PAIP1: variants seen among roughly 807,000 people sequenced by gnomAD.
PAIP1 encodes poly(A) binding protein interacting protein 1.
A neutral mutation model predicts 61.3 loss-of-function variants in PAIP1; 16 were observed. That is an observed-to-expected ratio of 0.26 (90% confidence interval 0.18 to 0.40). The LOEUF is 0.40. Among genes scored for constraint, PAIP1 ranks in the 10% least tolerant of loss-of-function variants. PAIP1 has a pLI of 1.00. For missense variants in PAIP1, 416 were observed against 600.9 expected, an observed-to-expected ratio of 0.69 and a Z score of 3.22; for synonymous variants, 187 against 226.2, an observed-to-expected ratio of 0.83 and a Z score of 1.56.
At position 43,543,445 on chromosome 5, in the gene PAIP1, A is replaced by C. The variant is rs73751708; in HGVS notation, c.622-329T>G. On this transcript the variant is annotated intron_variant, in intron 3 of 10. Transcript: ENST00000306846. ...CCTCAACTGCACAGTGACAATTATG[A>C]ATGAGAATACTGCCAAACTGTTGAC... is the stretch of plus-strand genomic sequence containing the variant. Among the ~76,000 whole-genome samples the C allele has an allele frequency of 6.4e-3, 977 of 152,296 alleles. 18 individuals are homozygous for C. Among genetic ancestry groups the C allele is most frequent in the African/African-American group, 0.022 (929 of 41,564 alleles).
chr5:43,537,837 T>C (rs1035266049), intron 5 of PAIP1, among the ~76,000 whole-genome samples: 1 of 151,690 alleles, frequency 6.6e-6, no homozygotes, highest in African/African-American at 2.4e-5. Flanking sequence ...CTGCTAAAAA[T>C]ATAAACATTA....
intron 1 of PAIP1, 126 bp from the exon 2 acceptor site, chr5:43,556,125 T>C (rs1406239158): frequency 2.1e-6 from 3 of 1,445,434 alleles, no homozygotes; most frequent in Non-Finnish European, 1.8e-6. Context: ...TCATGAAATT[T>C]ATGGTTATCG....
chr5:43,535,920 A>G (rs1373731519), intron 6 of PAIP1, among the ~76,000 whole-genome samples: 1 of 152,158 alleles, frequency 6.6e-6, no homozygotes, highest in Admixed American at 6.5e-5. Context: ...ATAGGCTATT[A>G]GATTTTAATG....
At chr5:43,535,075 A>T in intron 7 of PAIP1, 105 bp from the exon 8 acceptor site, 2 of 689,148 alleles carry the variant, frequency 2.9e-6, no homozygotes, top group South Asian at 3.4e-5. Flanking sequence ...TAACAGGTAC[A>T]TCTGATGCCT....
intron 10 of PAIP1, among the ~76,000 whole-genome samples, chr5:43,529,473 G>A (rs948241779): frequency 2.0e-5 from 3 of 151,556 alleles, no homozygotes; most frequent in African/African-American, 7.3e-5. Context: ...GCACGATCTC[G>A]GCTCACTGCA....
At chr5:43,530,349 A>C (rs1385280887) in intron 9 of PAIP1, among the ~76,000 whole-genome samples, 1 of 152,228 alleles carries the variant, frequency 6.6e-6, no homozygotes, top group African/African-American at 2.4e-5. Context: ...TAAACGTTTC[A>C]GCTCTGCCAA....
At chr5:43,542,963 A>C (rs777398835) in intron 4 of PAIP1, 41 bp downstream of exon 4, 3 of 1,017,312 alleles carry the variant, frequency 2.9e-6, no homozygotes, top group South Asian at 2.6e-5. Context: ...ATTCTAGTAT[A>C]TTTAGAAGTA....
chr5:43,542,028 T>G (rs1228837829), intron 4 of PAIP1, among the ~76,000 whole-genome samples: 1 of 149,512 alleles, frequency 6.7e-6, no homozygotes, highest in Non-Finnish European at 1.5e-5. Context: ...ATACAAAAAT[T>G]AGCTGGGCAT....
intron 4 of PAIP1, among the ~76,000 whole-genome samples, chr5:43,539,402 G>T (rs527583868): frequency 7.3e-5 from 11 of 151,278 alleles, no homozygotes; most frequent in African/African-American, 2.2e-4. Context: ...TACCCAAATT[G>T]TCTCTGTAAT....
At position 43,555,932 on chromosome 5, in the gene PAIP1, T is replaced by G. The variant is rs780249734; in HGVS notation, c.333A>C (p.Ser111=). 5 of 1,614,092 alleles carry G rather than the reference T, an allele frequency of 3.1e-6. No individual in the cohort carries two copies. The highest frequency in any genetic ancestry group is 4.2e-6 in the Non-Finnish European group (5 of 1,179,952). The change falls in exon 2 of 11, where the codon TCA becomes TCC. Residue 111 remains serine (S), a synonymous_variant. Transcript: ENST00000306846. ...QDKIPQQNSE[S]AMAKPQVVVA... ...CAACCACCTGGGGCTTAGCCATTGC[T>G]GACTCCGAGTTCTGCTGTGGGATTT...
At chr5:43,529,253 T>C (rs898386123) in intron 10 of PAIP1, among the ~76,000 whole-genome samples, 2 of 152,126 alleles carry the variant, frequency 1.3e-5, no homozygotes, top group Non-Finnish European at 2.9e-5. Context: ...TACAATAGAA[T>C]CTATTTTAAA....
In PAIP1 at chr5:43,551,640, G is replaced by A. The variant is rs78468391; in HGVS notation, c.436-3727C>T. On this transcript the variant is annotated intron_variant, in intron 2 of 10. Transcript: ENST00000306846. ...CTACCACTATTAATGACAAGGAACA[G>A]CAGAAAGGCAAAGGTACGGGTCCCA... 3.1e-3 allele frequency among the ~76,000 whole-genome samples: 466 copies of A among 152,152 alleles called. 12 individuals are homozygous for A. Among genetic ancestry groups the A allele is most frequent in the East Asian group, 0.025 (127 of 5,182 alleles).
At chr5:43,538,365 T>A (rs1391065434) in intron 5 of PAIP1, among the ~76,000 whole-genome samples, 1 of 152,116 alleles carries the variant, frequency 6.6e-6, no homozygotes, top group Non-Finnish European at 1.5e-5. Context: ...CAAAAAAGTA[T>A]GTCAAGTAAT....
chr5:43,533,128 T>C (rs774086320), intron 9 of PAIP1, among the ~76,000 whole-genome samples: 12 of 152,330 alleles, frequency 7.9e-5, no homozygotes, highest in Non-Finnish European at 1.8e-4. Context: ...GGACAGTCAA[T>C]GCTTGGAATC....
rs1419428955 is a variant in PAIP1, at chr5:43,533,811, A to AT, written c.1198-20dup. The AT allele has an allele frequency of 2.8e-6, 4 of 1,405,028 alleles. No homozygotes were observed. The highest frequency in any genetic ancestry group is 3.0e-6 in the Non-Finnish European group (3 of 989,360). The allele number at this position is 1,405,028 out of a possible 1,614,324, so 87.0% of individuals were successfully genotyped here. A position where few individuals can be genotyped will look rare whatever the true frequency, so the allele number is the denominator to read the frequency against. On this transcript the variant is annotated intron_variant, in intron 8 of 10. Coordinates refer to ENST00000306846, the MANE Select transcript of PAIP1 (RefSeq NM_006451.5). Reference sequence around the variant, plus strand: ...GTTCATTCTAGGATGAATCAAAGTGATAAAAATATGTAATCATTTCAGAAT... The same window carrying AT: ...GTTCATTCTAGGATGAATCAAAGTGATTAAAAATATGTAATCATTTCAGAAT...
At chr5:43,549,585 G>A (rs1365793616) in intron 2 of PAIP1, among the ~76,000 whole-genome samples, 1 of 152,052 alleles carries the variant, frequency 6.6e-6, no homozygotes, top group Non-Finnish European at 1.5e-5. Flanking sequence ...GGAACTGTAA[G>A]TCCAATTAAA....
Position 43,547,762 on chromosome 5 carries a change from G to C in PAIP1, c.587C>G (p.Ala196Gly). Residue 196 changes from alanine (A) to glycine (G), a missense_variant, in exon 3 of 11, where the codon GCT (alanine) becomes GGT (glycine). Coordinates refer to ENST00000306846, the MANE Select transcript of PAIP1 (RefSeq NM_006451.5). Reference protein sequence around the residue: ...TLNGCVTTDDALQELVELIYQ... With the variant: ...TLNGCVTTDDGLQELVELIYQ... Reference sequence around the variant, plus strand: ...GATGAGTTCCACAAGTTCTTGCAAAGCATCATCTGTTGTAACACAACCATT... The same window carrying C: ...GATGAGTTCCACAAGTTCTTGCAAACCATCATCTGTTGTAACACAACCATT... The C allele has an allele frequency of 6.2e-7, 1 of 1,610,494 alleles. No individual in the cohort carries two copies.
chr5:43,553,799 A>G (rs567842147), intron 2 of PAIP1, among the ~76,000 whole-genome samples: 1 of 152,310 alleles, frequency 6.6e-6, no homozygotes, highest in African/African-American at 2.4e-5. Context: ...CCAGAAAGCA[A>G]ATTAGAGCTC....
chr5:43,539,904 T>C (rs971716528), intron 4 of PAIP1, among the ~76,000 whole-genome samples: 1 of 152,216 alleles, frequency 6.6e-6, no homozygotes, highest in Non-Finnish European at 1.5e-5. Flanking sequence ...GTAATCTTTA[T>C]TGATAAGGTG....
Sources: allele counts gnomAD v4.1 joint callset (sites outside exome capture counted in the v4.1 genomes callset), GRCh38; gene constraint gnomAD v4.1.1; transcripts MANE v1.5; gene names NCBI Gene and HGNC (gene_info 2026-07-23, HGNC 2026-07-21).